SLC5A1: variants seen among roughly 807,000 people sequenced by gnomAD.
SLC5A1 encodes sodium/glucose cotransporter 1.
SLC5A1 carries 42 observed loss-of-function variants against 73.5 expected under a neutral mutation model. The ratio of observed to expected loss-of-function variants is 0.57; its 90% CI spans 0.45 to 0.74. SLC5A1 has a LOEUF of 0.74. Among genes scored for constraint, SLC5A1 ranks in the 30% least tolerant of loss-of-function variants. The probability of loss-of-function intolerance (pLI) is 0.00; values close to 1 mark genes in which losing one functional copy is unlikely to be tolerated. For synonymous variants in SLC5A1, 300 were observed against 317.4 expected, an observed-to-expected ratio of 0.95 and a Z score of 0.58; for missense variants, 634 against 855.4, an observed-to-expected ratio of 0.74 and a Z score of 3.23.
chr22:32,086,403 G>A lies in SLC5A1; in HGVS notation c.1129+76G>A, dbSNP rs1483824704. On this transcript the variant is annotated intron_variant, in intron 10 of 14. Coordinates refer to ENST00000266088, the MANE Select transcript of SLC5A1 (RefSeq NM_000343.4). Reference sequence around the variant, plus strand: ...GGGTTTAGGCACCACCTACATTCCTGTGAACCTTCTGGGCAAAGACATTTC... The same window carrying A: ...GGGTTTAGGCACCACCTACATTCCTATGAACCTTCTGGGCAAAGACATTTC... 23 of 969,488 alleles carry A rather than the reference G, an allele frequency of 2.4e-5. 1 individual carries two copies. The Middle Eastern group carries it at 1.7e-3, about 70-fold the overall frequency. The allele number at this position is 969,488 out of a possible 1,614,324, so 60.1% of individuals were successfully genotyped here. A position where few individuals can be genotyped will look rare whatever the true frequency, so the allele number is the denominator to read the frequency against.
chr22:32,089,419 A>G (rs2094013416), intron 10 of SLC5A1, among the ~76,000 whole-genome samples: 1 of 149,554 alleles, frequency 6.7e-6, no homozygotes, highest in Non-Finnish European at 1.5e-5. Flanking sequence ...GTGTTCCAAA[A>G]AGATCTCAAG....
intron 10 of SLC5A1, among the ~76,000 whole-genome samples, chr22:32,086,607 T>C (rs913004435): frequency 2.0e-5 from 3 of 152,278 alleles, no homozygotes; most frequent in South Asian, 4.2e-4. Context: ...AACATGACTT[T>C]CCATACTCAT....
intron 5 of SLC5A1, among the ~76,000 whole-genome samples, chr22:32,076,781 C>T (rs1006814992): frequency 1.3e-5 from 2 of 152,170 alleles, no homozygotes; most frequent in African/African-American, 4.8e-5. Flanking sequence ...AACATCAGAG[C>T]CAAGGCGAAG....
Position 32,066,963 on chromosome 22 carries a change from T to C in SLC5A1, c.236T>C (p.Ile79Thr), listed in dbSNP as rs200118751. The change falls in exon 3 of 15, where the codon ATT (isoleucine) becomes ACT (threonine). Residue 79 changes from isoleucine to threonine, a missense_variant. This residue lies in a region of SLC5A1 where 422 missense variants were observed against 626.1 expected (regional missense o/e 0.67). Coordinates refer to ENST00000266088, the MANE Select transcript of SLC5A1 (RefSeq NM_000343.4). ...GGAGCCTCCCTCTTTGCTAGTAACA[T>C]TGGAAGTGGCCACTTTGTGGGGCTG... ...PIGASLFASN[I>T]GSGHFVGLAG... 4 of 1,613,564 alleles carry C rather than the reference T, an allele frequency of 2.5e-6. No individual in the cohort carries two copies. Among genetic ancestry groups the C allele is most frequent in the Non-Finnish European group, 3.4e-6 (4 of 1,179,612 alleles).
chr22:32,109,188 T>C (rs2094051786), intron 14 of SLC5A1, among the ~76,000 whole-genome samples: 2 of 151,920 alleles, frequency 1.3e-5, no homozygotes, highest in Non-Finnish European at 1.5e-5. Flanking sequence ...AAAATAAAGA[T>C]AAAATTCAGT....
intron 14 of SLC5A1, among the ~76,000 whole-genome samples, chr22:32,106,219 C>T (rs117509300): frequency 0.045 from 6,848 of 152,286 alleles, 208 homozygotes; most frequent in Non-Finnish European, 0.07. Context: ...TACATCCTCA[C>T]CAGCATTTGT....
In SLC5A1 at chr22:32,074,023, G is replaced by C. The variant is rs73884271; in HGVS notation, c.477+5423G>C. 7.5e-3 allele frequency among the ~76,000 whole-genome samples: 1,143 copies of C among 152,244 alleles called. 20 individuals carry two copies. The highest frequency in any genetic ancestry group is 0.026 in the African/African-American group (1,081 of 41,522). ...TGTGTCTGTCTAAGAAGAGAAAAGG[G>C]AATGTGAGCAGGAGGGTGAGGAGGT... is the stretch of plus-strand genomic sequence containing the variant. On this transcript the variant is annotated intron_variant, in intron 5 of 14. Coordinates refer to ENST00000266088, the MANE Select transcript of SLC5A1 (RefSeq NM_000343.4).
At position 32,049,927 on chromosome 22, in the gene SLC5A1, AC is replaced by A; in HGVS notation, c.136-13del. 1 of 1,611,668 alleles carries A rather than the reference AC, an allele frequency of 6.2e-7. No homozygotes were observed. The highest frequency in any genetic ancestry group is 8.5e-7 in the Non-Finnish European group (1 of 1,177,900). On this transcript the variant is annotated splice_polypyrimidine_tract_variant and intron_variant, in intron 1 of 14. Transcript: ENST00000266088. The stretch of plus-strand genomic sequence containing the variant: ...CTTCTAGTTTTCGATTACATTTTTG[AC>A]CCTTTCCTCCTCAGGCTATGTTTTC...
Position 32,081,991 on chromosome 22 carries a change from C to A in SLC5A1, c.583+20C>A, listed in dbSNP as rs757295052. 9 of 1,502,994 alleles carry A rather than the reference C, an allele frequency of 6.0e-6. No homozygotes were observed. The highest frequency in any genetic ancestry group is 8.3e-6 in the Non-Finnish European group (9 of 1,078,622). 93.1% of individuals were successfully genotyped at this position (1,502,994 alleles called of 1,614,324 possible). A position where few individuals can be genotyped will look rare whatever the true frequency, so the allele number is the denominator to read the frequency against. ...TTACAGGTGAGTCCATTCAAATAAA[C>A]CAGCACCTCAAACCCAGCTCGGGAT... is the stretch of plus-strand genomic sequence containing the variant. On this transcript the variant is annotated intron_variant, in intron 6 of 14. Coordinates refer to ENST00000266088, the MANE Select transcript of SLC5A1 (RefSeq NM_000343.4).
intron 5 of SLC5A1, among the ~76,000 whole-genome samples, chr22:32,069,327 A>G (rs1215238149): frequency 6.6e-6 from 1 of 152,056 alleles, no homozygotes; most frequent in Admixed American, 6.6e-5. Context: ...GTTAGATAGG[A>G]GGAGTAAGTT....
intron 2 of SLC5A1, among the ~76,000 whole-genome samples, chr22:32,058,784 C>G (rs1011574873): frequency 1.3e-5 from 2 of 152,140 alleles, no homozygotes; most frequent in African/African-American, 2.4e-5. Context: ...TGTGGGTTGC[C>G]AGACTGATAT....
Position 32,084,599 on chromosome 22 carries a change from A to G in SLC5A1, c.825A>G (p.Pro275=), listed in dbSNP as rs1603129170. Residue 275 remains proline, a synonymous_variant, in exon 8 of 15, where the codon CCA becomes CCG. Transcript: ENST00000266088. ...IFRDPLTGDL[P]WPGFIFGMSI... ...GAGATCCCCTCACGGGAGACCTCCC[A>G]TGGCCTGGGTTCATCTTTGGGATGT... The G allele has an allele frequency of 1.9e-6, 3 of 1,614,222 alleles. No homozygotes were observed. The highest frequency in any genetic ancestry group is 4.5e-5 in the East Asian group (2 of 44,878).
At position 32,102,217 on chromosome 22, in the gene SLC5A1, A is replaced by G. The variant is rs1005584868; in HGVS notation, c.1645A>G (p.Lys549Glu). Residue 549 changes from lysine (K) to glutamate (E), a missense_variant, in exon 13 of 15, where the codon AAA (lysine) becomes GAA (glutamate). Lys to Glu is a moderately conservative substitution (Grantham distance 56, BLOSUM62 1). Transcript: ENST00000266088. ...CATCGTGGTCATCTCCCTCCTCACC[A>G]AACCCATTCCGGATGTGCATGTGAG... ...ITIVVISLLTKPIPDVHLYRL... is the reference protein window; with the variant it reads ...ITIVVISLLTEPIPDVHLYRL... 6.2e-7 allele frequency: 1 copy of G among 1,613,724 alleles called. No homozygotes were observed.
intron 9 of SLC5A1, among the ~76,000 whole-genome samples, chr22:32,085,881 CCTGTAATCCCAG>C (rs1389358398): frequency 4.6e-5 from 7 of 152,126 alleles, no homozygotes; most frequent in Non-Finnish European, 8.8e-5. Flanking sequence ...GTGGCTCACG[CCTGTAATCCCAG>C]CACTTTGGGA....
intron 2 of SLC5A1, among the ~76,000 whole-genome samples, chr22:32,063,361 G>T (rs958426159): frequency 6.6e-6 from 1 of 152,200 alleles, no homozygotes; most frequent in African/African-American, 2.4e-5. Context: ...GTCACAACTG[G>T]TTCATTATTT....
intron 14 of SLC5A1, among the ~76,000 whole-genome samples, chr22:32,105,976 C>T (rs2094044960): frequency 6.6e-6 from 1 of 152,292 alleles, no homozygotes; most frequent in African/African-American, 2.4e-5. Context: ...TTTCTTTATC[C>T]ATTCATCTGT....
At position 32,111,069 on chromosome 22, in the gene SLC5A1, C is replaced by T. The variant is rs2094056071; in HGVS notation, c.*856C>T. 6.6e-6 allele frequency: 1 copy of T among 152,168 alleles called. No homozygotes were observed. The highest frequency in any genetic ancestry group is 2.4e-5 in the African/African-American group (1 of 41,426). 9.4% of individuals were successfully genotyped at this position (152,168 alleles called of 1,614,324 possible). ...GAGCCTGGCCCTTAGTTAACCTTTT[C>T]TTGTGGCTACACAAAGTATGCTCAC... On this transcript the variant is annotated 3_prime_UTR_variant, in exon 15 of 15. Transcript: ENST00000266088.
chr22:32,092,393 T>C (rs908980627), intron 11 of SLC5A1, among the ~76,000 whole-genome samples: 5 of 152,226 alleles, frequency 3.3e-5, no homozygotes, highest in African/African-American at 7.2e-5. Flanking sequence ...CAATTATGAA[T>C]TGTGCTGCTA....
chr22:32,043,358 C>T lies in SLC5A1; in HGVS notation c.77C>T (p.Ala26Val). The T allele has an allele frequency of 6.2e-7, 1 of 1,614,174 alleles. No homozygotes were observed. ...GAGACCCACGAGCTCATTCGCAATGCAGCCGATATCTCCATCATCGTTATC... is the reference window on the plus strand; with the variant it reads ...GAGACCCACGAGCTCATTCGCAATGTAGCCGATATCTCCATCATCGTTATC... ...PVETHELIRNAADISIIVIYF... is the reference protein window; with the variant it reads ...PVETHELIRNVADISIIVIYF... The change falls in exon 1 of 15, where the codon GCA becomes GTA. Residue 26 changes from alanine to valine, a missense_variant. Physicochemically the swap from Ala to Val is moderately conservative, Grantham distance 64. This residue lies in a region of SLC5A1 where 51 missense variants were observed against 50.5 expected (regional missense o/e 1.01). Coordinates refer to ENST00000266088, the MANE Select transcript of SLC5A1 (RefSeq NM_000343.4). This position sits in a 1 kb window ranked among gnomAD's most constrained non-coding sequence, Gnocchi z 6.5.
Sources: gnomAD v4.1 joint callset for allele counts (sites outside exome capture counted in the v4.1 genomes callset) on GRCh38, gnomAD v4.1.1 for gene constraint, gnomAD v4.1.1 regional missense constraint, Gnocchi (gnomAD v3.1) non-coding constraint, MANE v1.5 for transcripts, NCBI Gene and HGNC (gene_info 2026-07-23, HGNC 2026-07-21) for gene names.